COL25A1: variants seen among roughly 807,000 people sequenced by gnomAD.
COL25A1 encodes collagen alpha-1(XXV) chain.
A neutral mutation model predicts 128.4 loss-of-function variants in COL25A1; 103 were observed. That is an observed-to-expected ratio of 0.80 (90% CI 0.68 to 0.94). The LOEUF is 0.94. Ranked by LOEUF, COL25A1 falls within the 40% of genes least tolerant of loss-of-function variation. The pLI is 0.00. For synonymous variants in COL25A1, 279 were observed against 277.2 expected (o/e 1.01, Z -0.06); for missense variants, 745 against 840.0 (o/e 0.89, Z 1.40).
chr4:109,149,480 G>GC (rs1771263298), intron 3 of COL25A1, among the ~76,000 whole-genome samples: 1 of 152,038 alleles, frequency 6.6e-6, no homozygotes, highest in African/African-American at 2.4e-5. Flanking sequence ...ACATAACAGT[G>GC]CTGTGTACTG....
At chr4:109,223,372 T>C (rs1778556031) in intron 3 of COL25A1, among the ~76,000 whole-genome samples, 1 of 152,132 alleles carries the variant, frequency 6.6e-6, no homozygotes, top group Non-Finnish European at 1.5e-5. Flanking sequence ...ATGAAAACAT[T>C]GGAAATTATT....
chr4:109,055,551 C>G (rs1378080286), intron 3 of COL25A1, among the ~76,000 whole-genome samples: 2 of 152,176 alleles, frequency 1.3e-5, no homozygotes, highest in African/African-American at 4.8e-5. Flanking sequence ...ACAGACACAA[C>G]CAGCCACAAC....
At chr4:109,157,658 G>C (rs1292866527) in intron 3 of COL25A1, among the ~76,000 whole-genome samples, 1 of 152,122 alleles carries the variant, frequency 6.6e-6, no homozygotes, top group Non-Finnish European at 1.5e-5. Flanking sequence ...AAATTTAAAG[G>C]TTGGCACAGT....
intron 5 of COL25A1, among the ~76,000 whole-genome samples, chr4:109,045,705 A>C (rs565044969): frequency 6.6e-6 from 1 of 152,264 alleles, no homozygotes; most frequent in East Asian, 1.9e-4. Flanking sequence ...TAGCATAATC[A>C]ATGTTTTTTT....
chr4:108,859,173 C>T (rs1435997518), intron 24 of COL25A1, among the ~76,000 whole-genome samples: 1 of 152,158 alleles, frequency 6.6e-6, no homozygotes, highest in Non-Finnish European at 1.5e-5. Flanking sequence ...GCCATTTGCT[C>T]TTCTCAACAA....
chr4:108,820,455 A>C (rs1731660626), intron 35 of COL25A1, among the ~76,000 whole-genome samples: 2 of 152,240 alleles, frequency 1.3e-5, no homozygotes, highest in Non-Finnish European at 1.5e-5. Flanking sequence ...CAATATCTTA[A>C]AATATGCTTC....
intron 5 of COL25A1, among the ~76,000 whole-genome samples, chr4:109,010,964 A>G (rs1756527393): frequency 6.6e-6 from 1 of 152,244 alleles, no homozygotes; most frequent in Non-Finnish European, 1.5e-5. Context: ...TCTTTGGATC[A>G]TGCATCCTAA....
chr4:108,971,891 G>C (rs4956066), intron 8 of COL25A1, among the ~76,000 whole-genome samples: 74,789 of 152,058 alleles, frequency 0.49, 19,570 homozygotes, highest in East Asian at 0.8. Context: ...CATTTATTGT[G>C]TCTATAGTAT....
intron 19 of COL25A1, among the ~76,000 whole-genome samples, chr4:108,875,956 A>G (rs1237157447): frequency 6.6e-6 from 1 of 152,188 alleles, no homozygotes; most frequent in East Asian, 1.9e-4. Flanking sequence ...GCAAACTATC[A>G]TAAGGACAGA....
At chr4:109,024,850 A>T (rs146966782) in intron 5 of COL25A1, among the ~76,000 whole-genome samples, 1 of 152,324 alleles carries the variant, frequency 6.6e-6, no homozygotes, top group East Asian at 1.9e-4. Flanking sequence ...GCTCTCAAAA[A>T]TTCAGTAAGT....
chr4:108,827,011 T>G, intron 33 of COL25A1, 124 bp downstream of exon 33: 1 of 804,040 alleles, frequency 1.2e-6, no homozygotes, highest in South Asian at 1.5e-5. Flanking sequence ...AATTTATAGA[T>G]AATGAGTGGA....
chr4:109,139,310 G>A (rs1322770793), intron 3 of COL25A1, among the ~76,000 whole-genome samples: 1 of 152,086 alleles, frequency 6.6e-6, no homozygotes, highest in South Asian at 2.1e-4. Flanking sequence ...TTCTTTTGCT[G>A]TGCAGAAGCT....
intron 5 of COL25A1, among the ~76,000 whole-genome samples, chr4:109,012,459 C>G (rs929722599): frequency 6.6e-6 from 1 of 152,160 alleles, no homozygotes; most frequent in African/African-American, 2.4e-5. Flanking sequence ...CCTCTGCTTG[C>G]GGGGAGGTGT....
Position 108,825,238 on chromosome 4 carries a change from A to T in COL25A1, c.1765-16T>A. 6.2e-7 allele frequency: 1 copy of T among 1,609,126 alleles called. No homozygotes were observed. Among genetic ancestry groups the T allele is most frequent in the Non-Finnish European group, 8.5e-7 (1 of 1,175,788 alleles). The stretch of plus-strand genomic sequence containing the variant: ...CATCTTTCCCCTGCCAAAGAACCAT[A>T]GTAGCTACATTAGTGTTTCTAAGTT... On this transcript the variant is annotated splice_polypyrimidine_tract_variant and intron_variant, in intron 33 of 37. Coordinates refer to ENST00000399132, the MANE Select transcript of COL25A1 (RefSeq NM_198721.4).
intron 6 of COL25A1, among the ~76,000 whole-genome samples, chr4:108,996,880 G>C (rs868519853): frequency 1.3e-5 from 2 of 152,130 alleles, no homozygotes; most frequent in Admixed American, 1.3e-4. Flanking sequence ...ATGACTACTG[G>C]GTAAACAACG....
chr4:109,250,476 C>G (rs947825475), intron 3 of COL25A1, among the ~76,000 whole-genome samples: 1 of 151,666 alleles, frequency 6.6e-6, no homozygotes, highest in South Asian at 2.1e-4. Context: ...AGATCTACAA[C>G]TGGCAAGCTG....
intron 3 of COL25A1, among the ~76,000 whole-genome samples, chr4:109,059,735 C>T (rs1325495336): frequency 6.6e-6 from 1 of 152,120 alleles, no homozygotes; most frequent in African/African-American, 2.4e-5. Context: ...TTTACCCATG[C>T]TGTTATATAT....
rs1279302972 is a variant in COL25A1 at position 108,942,106 on chromosome 4, A to G, written c.493-669T>C. On this transcript the variant is annotated intron_variant, in intron 8 of 37. Coordinates refer to ENST00000399132, the MANE Select transcript of COL25A1 (RefSeq NM_198721.4). ...AGTGCCCAGTAACTTGATATATACCATGAGAGGAAGCCAACGGGCTCGGCA... is the reference window on the plus strand; with the variant it reads ...AGTGCCCAGTAACTTGATATATACCGTGAGAGGAAGCCAACGGGCTCGGCA... 2.4e-5 allele frequency: 28 copies of G among 1,144,542 alleles called. 1 individual carries two copies. In the South Asian group the frequency reaches 3.8e-4, roughly 15 times the overall value. 70.9% of individuals were successfully genotyped at this position (1,144,542 alleles called of 1,614,324 possible).
chr4:109,060,395 C>T (rs957508627), intron 3 of COL25A1, among the ~76,000 whole-genome samples: 2 of 152,102 alleles, frequency 1.3e-5, no homozygotes, highest in African/African-American at 4.8e-5. Flanking sequence ...CCCCCTTGAC[C>T]CCCACCTCAT....
Sources: gnomAD v4.1 joint callset for allele counts (sites outside exome capture counted in the v4.1 genomes callset) on GRCh38, gnomAD v4.1.1 for gene constraint, MANE v1.5 for transcripts, NCBI Gene and HGNC (gene_info 2026-07-23, HGNC 2026-07-21) for gene names.